Variants in CADM2 observed in about 807,000 individuals in gnomAD.
The protein encoded by CADM2 is cell adhesion molecule 2, also known as immunoglobulin superfamily member 4D.
Under a neutral mutation model 49.8 loss-of-function variants are expected in CADM2, and 12 were observed. The observed-to-expected ratio is 0.24, with a 90% CI of 0.15 to 0.39. The LOEUF (loss-of-function observed/expected upper bound fraction) is 0.39. Among genes scored for constraint, CADM2 ranks in the 10% least tolerant of loss-of-function variants. CADM2 has a pLI of 1.00. For synonymous variants in CADM2, 214 were observed against 175.4 expected (o/e 1.22, Z -1.74); for missense variants, 378 against 492.3 (o/e 0.77, Z 2.20).
intron 1 of CADM2, among the ~76,000 whole-genome samples, chr3:85,716,045 G>T (rs2067281874): frequency 6.6e-6 from 1 of 152,112 alleles, no homozygotes; most frequent in Non-Finnish European, 1.5e-5. Flanking sequence ...TGGGTCAAAT[G>T]GTATTTCTAG....
intron 5 of CADM2, among the ~76,000 whole-genome samples, chr3:85,898,937 GTA>G (rs1553704342): frequency 0.013 from 617 of 46,690 alleles, 34 homozygotes; most frequent in African/African-American, 0.058. Context: ...CATTTATTGT[GTA>G]TATATATATA....
At position 85,924,520 on chromosome 3, in the gene CADM2, A is replaced by C. The variant is rs548355978; in HGVS notation, c.701-11247A>C. On this transcript the variant is annotated intron_variant, in intron 6 of 9. Coordinates refer to ENST00000383699, the MANE Select transcript of CADM2 (RefSeq NM_001167675.2). The stretch of plus-strand genomic sequence containing the variant: ...AGTGGAAGGATCCCTTAAGCCCAGG[A>C]GTTTGAGGCTGCAGTGAGCCGAGAT... 3.3e-3 allele frequency among the ~76,000 whole-genome samples: 502 copies of C among 152,166 alleles called. 1 individual carries two copies. The highest frequency in any genetic ancestry group is 5.4e-3 in the Non-Finnish European group (369 of 68,014).
chr3:85,533,913 A>G (rs867261200), intron 1 of CADM2, among the ~76,000 whole-genome samples: 3 of 152,010 alleles, frequency 2.0e-5, no homozygotes, highest in Non-Finnish European at 2.9e-5. Flanking sequence ...CAGACAGGCT[A>G]TTTTACATAT....
At chr3:85,248,965 A>T (rs1309675281) in intron 1 of CADM2, among the ~76,000 whole-genome samples, 1 of 152,172 alleles carries the variant, frequency 6.6e-6, no homozygotes, top group Admixed American at 6.5e-5. Context: ...TGAGCAGAAG[A>T]TACAGTAGAA....
chr3:84,979,441 C>A (rs1429459517), intron 1 of CADM2, among the ~76,000 whole-genome samples: 1 of 152,022 alleles, frequency 6.6e-6, no homozygotes, highest in Non-Finnish European at 1.5e-5. Flanking sequence ...TGTGTACATA[C>A]TTCATTGCAT....
chr3:85,408,981 C>A (rs954446720), intron 1 of CADM2, among the ~76,000 whole-genome samples: 1 of 152,134 alleles, frequency 6.6e-6, no homozygotes, highest in Non-Finnish European at 1.5e-5. Flanking sequence ...TTTGCAAGCT[C>A]TCCAGAAGTC....
chr3:85,533,138 A>C (rs941437750), intron 1 of CADM2, among the ~76,000 whole-genome samples: 1 of 152,186 alleles, frequency 6.6e-6, no homozygotes, highest in Non-Finnish European at 1.5e-5. Context: ...CTGTACATCT[A>C]TCCCTAAACT....
chr3:85,329,016 A>T (rs1371138839), intron 1 of CADM2, among the ~76,000 whole-genome samples: 1 of 152,046 alleles, frequency 6.6e-6, no homozygotes, highest in African/African-American at 2.4e-5. Flanking sequence ...GGTTAAGAGG[A>T]TTAGCCCTCA....
At chr3:85,623,868 C>G (rs2064045482) in intron 1 of CADM2, among the ~76,000 whole-genome samples, 1 of 151,044 alleles carries the variant, frequency 6.6e-6, no homozygotes, top group African/African-American at 2.4e-5. Context: ...TTTTTTATTC[C>G]AAGACAAGTA....
intron 1 of CADM2, among the ~76,000 whole-genome samples, chr3:85,365,073 C>G (rs1375925118): frequency 3.3e-5 from 5 of 150,208 alleles, no homozygotes; most frequent in Non-Finnish European, 7.4e-5. Flanking sequence ...TATTTTTATT[C>G]ACAATATTTA....
chr3:85,843,306 T>G (rs1408955265), intron 3 of CADM2, among the ~76,000 whole-genome samples: 1 of 152,110 alleles, frequency 6.6e-6, no homozygotes, highest in Non-Finnish European at 1.5e-5. Flanking sequence ...AGAAACATCG[T>G]CATCTAACCC....
intron 1 of CADM2, among the ~76,000 whole-genome samples, chr3:84,971,256 C>A (rs2107090399): frequency 6.6e-6 from 1 of 152,156 alleles, no homozygotes; most frequent in Middle Eastern, 3.4e-3. Flanking sequence ...AAATATTACA[C>A]TAAAAGTACT....
intron 1 of CADM2, among the ~76,000 whole-genome samples, chr3:85,212,874 C>A (rs1196776650): frequency 4.1e-5 from 5 of 122,782 alleles, no homozygotes; most frequent in African/African-American, 3.9e-5. Context: ...TTCTTTCTTT[C>A]TTTCTTTCTT....
At chr3:85,545,102 G>A (rs2107074225) in intron 1 of CADM2, among the ~76,000 whole-genome samples, 1 of 152,264 alleles carries the variant, frequency 6.6e-6, no homozygotes, top group East Asian at 1.9e-4. Context: ...CACAACGGAA[G>A]AAAGCATGCT....
chr3:85,205,298 C>T (rs1487689788), intron 1 of CADM2, among the ~76,000 whole-genome samples: 1 of 152,168 alleles, frequency 6.6e-6, no homozygotes, highest in Non-Finnish European at 1.5e-5. Context: ...GCTGGGATTC[C>T]AGGTTTGAGC....
At chr3:85,957,462 A>G (rs562841975) in intron 7 of CADM2, among the ~76,000 whole-genome samples, 1 of 151,890 alleles carries the variant, frequency 6.6e-6, no homozygotes, top group Admixed American at 6.6e-5. Flanking sequence ...GACAGAAAAA[A>G]ACAAACTGTT....
intron 1 of CADM2, among the ~76,000 whole-genome samples, chr3:85,122,139 T>A (rs1470492482): frequency 6.6e-6 from 1 of 152,156 alleles, no homozygotes; most frequent in Non-Finnish European, 1.5e-5. Flanking sequence ...AATTTTCTAC[T>A]GTTTTTCATT....
intron 8 of CADM2, among the ~76,000 whole-genome samples, chr3:85,978,345 C>T (rs142775964): frequency 5.3e-5 from 8 of 151,740 alleles, no homozygotes; most frequent in African/African-American, 1.7e-4. Context: ...TGAAGCTACA[C>T]TTAACTTTTG....
rs535096739 is a variant in CADM2, at chr3:85,972,626, A to G, written c.970+10979A>G. ...GTTTCGAAAATCCATTCTGAATGCC[A>G]TTTTTAAAAAGATAAACTGCCAGAA... On this transcript the variant is annotated intron_variant, in intron 8 of 9. Transcript: ENST00000383699. Among the ~76,000 whole-genome samples the G allele has an allele frequency of 4.0e-5, 6 of 151,862 alleles. No homozygotes were observed. The East Asian group carries it at 1.2e-3, about 30-fold the overall frequency.
Sources: gnomAD v4.1 joint callset for allele counts (sites outside exome capture counted in the v4.1 genomes callset) on GRCh38, gnomAD v4.1.1 for gene constraint, MANE v1.5 for transcripts, NCBI Gene and HGNC (gene_info 2026-07-23, HGNC 2026-07-21) for gene names.